CTNNA1: variants seen among roughly 807,000 people sequenced by gnomAD.
The protein encoded by CTNNA1 is catenin alpha 1.
Under a neutral mutation model 98.4 loss-of-function variants are expected in CTNNA1, and 37 were observed. The ratio of observed to expected loss-of-function variants is 0.38; its 90% CI spans 0.29 to 0.49. The LOEUF is 0.49. Among genes scored for constraint, CTNNA1 ranks in the 20% least tolerant of loss-of-function variants. The probability of loss-of-function intolerance (pLI) is 0.95; values close to 1 mark genes in which losing one functional copy is unlikely to be tolerated. For missense variants in CTNNA1, 761 were observed against 1,147.2 expected, an observed-to-expected ratio of 0.66 and a Z score of 4.86; for synonymous variants, 404 against 413.2, an observed-to-expected ratio of 0.98 and a Z score of 0.27.
intron 10 of CTNNA1, among the ~76,000 whole-genome samples, chr5:138,915,146 C>CTAAAA (rs937828251): frequency 2.2e-4 from 34 of 152,086 alleles, no homozygotes; most frequent in African/African-American, 4.6e-4. Flanking sequence ...CACTCTGTCT[C>CTAAAA]TAAAATAAAA....
At chr5:138,886,549 A>G (rs886612285) in intron 8 of CTNNA1, among the ~76,000 whole-genome samples, 1 of 152,182 alleles carries the variant, frequency 6.6e-6, no homozygotes, top group Non-Finnish European at 1.5e-5. Context: ...ACAGGTAGGA[A>G]AATAAATTTA....
At chr5:138,913,171 C>T (rs1300745611) in intron 10 of CTNNA1, among the ~76,000 whole-genome samples, 2 of 151,028 alleles carry the variant, frequency 1.3e-5, no homozygotes, top group East Asian at 1.9e-4. Flanking sequence ...TTACATATTT[C>T]GTTTGAAATG....
At chr5:138,920,344 T>G (rs555644553) in intron 11 of CTNNA1, among the ~76,000 whole-genome samples, 19 of 152,354 alleles carry the variant, frequency 1.2e-4, no homozygotes, top group Non-Finnish European at 1.6e-4. Context: ...ACACACAGCC[T>G]AGGCAGGTGT....
At chr5:138,790,523 A>T (rs889360325) in intron 3 of CTNNA1, among the ~76,000 whole-genome samples, 4 of 152,204 alleles carry the variant, frequency 2.6e-5, no homozygotes, top group Non-Finnish European at 2.9e-5. Context: ...AGTATTGGTA[A>T]ACATTAGTGC....
In CTNNA1 at chr5:138,873,074, A is replaced by G; in HGVS notation, c.1063-13138A>G. 1 of 1,613,932 alleles carries G rather than the reference A, an allele frequency of 6.2e-7. No individual in the cohort carries two copies. Among genetic ancestry groups the G allele is most frequent in the Non-Finnish European group, 8.5e-7 (1 of 1,179,870 alleles). On this transcript the variant is annotated intron_variant, in intron 7 of 17. Transcript: ENST00000302763. The surrounding 1 kb of genome is among the most constrained non-coding windows in gnomAD (Gnocchi z 6.1). Reference sequence around the variant, plus strand: ...GCACTGTCCATAACCATTAATGATGATGAAGGGTCCTTCATGGGTGGGTTC... The same window carrying G: ...GCACTGTCCATAACCATTAATGATGGTGAAGGGTCCTTCATGGGTGGGTTC...
intron 16 of CTNNA1, 139 bp from the exon 17 acceptor site, chr5:138,932,439 C>T: frequency 6.8e-7 from 1 of 1,461,194 alleles, no homozygotes; most frequent in Non-Finnish European, 9.1e-7. Flanking sequence ...GTGACTGCCT[C>T]AGGTAATTGG....
chr5:138,783,517 T>C, intron 3 of CTNNA1, 145 bp downstream of exon 3: 1 of 660,718 alleles, frequency 1.5e-6, no homozygotes, highest in East Asian at 2.7e-5. Flanking sequence ...TGTATTAAGT[T>C]GGACTGGCTC....
intron 9 of CTNNA1, chr5:138,887,846 C>T (rs1250135133): frequency 4.8e-6 from 2 of 417,998 alleles, no homozygotes; most frequent in Non-Finnish European, 8.5e-6. Flanking sequence ...TTATTAAATA[C>T]TAACAGTTCC....
At chr5:138,815,735 G>A (rs968310229) in intron 5 of CTNNA1, among the ~76,000 whole-genome samples, 10 of 151,766 alleles carry the variant, frequency 6.6e-5, no homozygotes, top group Non-Finnish European at 1.2e-4. Context: ...ATTTTCTTGG[G>A]TTTATAGTAA....
chr5:138,754,059 A>C lies in CTNNA1; in HGVS notation c.-3+549A>C, dbSNP rs62384263. 0.017 allele frequency: 2,516 copies of C among 152,318 alleles called. 25 individuals are homozygous for C. The highest frequency in any genetic ancestry group is 0.025 in the Non-Finnish European group (1,696 of 68,106). 9.4% of individuals were successfully genotyped at this position (152,318 alleles called of 1,614,324 possible). ...GGGGACGCGGGCTCGGCGAACCGGG[A>C]GGCTGGAGCCCGGGCTTCTCCCATA... On this transcript the variant is annotated intron_variant, in intron 1 of 17. Coordinates refer to ENST00000302763, the MANE Select transcript of CTNNA1 (RefSeq NM_001903.5).
At chr5:138,857,724 T>C (rs926688179) in intron 7 of CTNNA1, among the ~76,000 whole-genome samples, 3 of 152,224 alleles carry the variant, frequency 2.0e-5, no homozygotes, top group Non-Finnish European at 2.9e-5. Flanking sequence ...AAAGGTTAAA[T>C]GATTTATACA....
chr5:138,923,790 A>T (rs1763407631), intron 11 of CTNNA1, among the ~76,000 whole-genome samples: 1 of 152,206 alleles, frequency 6.6e-6, no homozygotes, highest in Non-Finnish European at 1.5e-5. Flanking sequence ...CTAAAAATTT[A>T]TAGTGTCAGG....
At chr5:138,808,420 A>G (rs1758327960) in intron 3 of CTNNA1, among the ~76,000 whole-genome samples, 1 of 152,184 alleles carries the variant, frequency 6.6e-6, no homozygotes, top group African/African-American at 2.4e-5. Flanking sequence ...TGATTGCCAT[A>G]TGTCTGTATC....
chr5:138,851,425 T>C (rs1763171594), intron 7 of CTNNA1, among the ~76,000 whole-genome samples: 2 of 152,030 alleles, frequency 1.3e-5, no homozygotes, highest in Non-Finnish European at 1.5e-5. Flanking sequence ...AATAGGTGAT[T>C]TTAGTCTCTA....
intron 7 of CTNNA1, among the ~76,000 whole-genome samples, chr5:138,879,585 G>T (rs1330363701): frequency 1.3e-5 from 2 of 152,014 alleles, no homozygotes; most frequent in African/African-American, 4.8e-5. Flanking sequence ...CTCCAGAGTA[G>T]CTAGGACTAC....
intron 6 of CTNNA1, among the ~76,000 whole-genome samples, chr5:138,825,482 G>GTTTTTTTTTTTGTTTT (rs1554085134): frequency 2.7e-5 from 2 of 74,114 alleles, no homozygotes; most frequent in Non-Finnish European, 4.8e-5. Context: ...AGCAGTATAA[G>GTTTTTTTTTTTGTTTT]TTTTTTTTTT....
intron 10 of CTNNA1, among the ~76,000 whole-genome samples, chr5:138,909,359 C>T (rs116716227): frequency 1.3e-5 from 2 of 151,090 alleles, no homozygotes; most frequent in Non-Finnish European, 3.0e-5. Context: ...CCTCCCCCCC[C>T]ACCCTTTTTT....
chr5:138,913,096 T>C (rs1407441484), intron 10 of CTNNA1, among the ~76,000 whole-genome samples: 3 of 152,102 alleles, frequency 2.0e-5, no homozygotes, highest in African/African-American at 7.2e-5. Flanking sequence ...TTTTTTTGTT[T>C]GTTTTTGTTT....
rs955511782 is a variant in CTNNA1 at position 138,809,922 on chromosome 5, T to C, written c.302-116T>C. The C allele has an allele frequency of 1.2e-5, 16 of 1,337,366 alleles. No homozygotes were observed. The African/African-American group carries it at 2.4e-4, about 20-fold the overall frequency. 82.8% of individuals were successfully genotyped at this position (1,337,366 alleles called of 1,614,324 possible). A position where few individuals can be genotyped will look rare whatever the true frequency, so the allele number is the denominator to read the frequency against. On this transcript the variant is annotated intron_variant, in intron 3 of 17. Transcript: ENST00000302763. ...AAACAACAACAAAAATGAAAACTCT[T>C]AAACTAAATTTGTGCATGAAATATA...
Sources: allele counts gnomAD v4.1 joint callset (sites outside exome capture counted in the v4.1 genomes callset), GRCh38; gene constraint gnomAD v4.1.1; non-coding constraint Gnocchi (gnomAD v3.1); transcripts MANE v1.5; gene names NCBI Gene and HGNC (gene_info 2026-07-23, HGNC 2026-07-21).